The following CCDC66 variants were observed in gnomAD, a reference collection of about 807,000 sequenced individuals.
CCDC66 encodes the protein coiled-coil domain containing 66.
CCDC66 carries 133 observed loss-of-function variants against 128.3 expected under a neutral mutation model. That is an observed-to-expected ratio of 1.04 (90% CI 0.90 to 1.20). The LOEUF is 1.20. Ranked by LOEUF, CCDC66 falls within the 50% of genes most tolerant of loss-of-function variation. CCDC66 has a pLI of 0.00. For missense variants in CCDC66, 1,126 were observed against 1,075.5 expected, an observed-to-expected ratio of 1.05 and a Z score of -0.66; for synonymous variants, 387 against 357.0, an observed-to-expected ratio of 1.08 and a Z score of -0.95.
At chr3:56,561,330 TCC>T (rs1213115225) in intron 3 of CCDC66, 2 of 454,698 alleles carry the variant, frequency 4.4e-6, no homozygotes, top group Non-Finnish European at 4.4e-6. Context: ...CATCTGAAGA[TCC>T]CCTTTATAGG....
chr3:56,601,895 T>C (rs960407874), intron 10 of CCDC66, among the ~76,000 whole-genome samples: 3 of 152,152 alleles, frequency 2.0e-5, no homozygotes, highest in African/African-American at 7.3e-5. Context: ...TTTCTAAATA[T>C]ACAATCATGT....
intron 14 of CCDC66, 200 bp from the exon 15 acceptor site, chr3:56,617,972 T>TA (rs754603219): frequency 6.6e-6 from 4 of 603,628 alleles, no homozygotes; most frequent in Non-Finnish European, 1.2e-5. Context: ...ATAGTCCACA[T>TA]AGACAGAGGT....
chr3:56,620,821 G>A (rs1393086988), intron 17 of CCDC66: 1 of 152,220 alleles, frequency 6.6e-6, no homozygotes, highest in African/African-American at 2.4e-5. Flanking sequence ...GGACCCTTCT[G>A]TTAGCATCTA....
chr3:56,584,179 G>A (rs113740976), intron 7 of CCDC66, among the ~76,000 whole-genome samples: 47,725 of 133,564 alleles, frequency 0.36, 11,988 homozygotes, highest in Non-Finnish European at 0.53. Flanking sequence ...CCCGGGCGGG[G>A]CGGCTGCCGG....
intron 6 of CCDC66, chr3:56,569,304 G>C (rs1190482671): frequency 3.1e-6 from 1 of 321,084 alleles, no homozygotes; most frequent in African/African-American, 2.1e-5. Context: ...AGGTTTATTT[G>C]GCCCACAGTT....
intron 7 of CCDC66, among the ~76,000 whole-genome samples, chr3:56,580,022 CATT>C (rs1408242490): frequency 6.6e-6 from 1 of 151,674 alleles, no homozygotes. Context: ...TAAAGTCTCC[CATT>C]ATTATTGTGT....
chr3:56,565,493 G>A (rs1156684489), intron 4 of CCDC66, among the ~76,000 whole-genome samples: 4 of 147,648 alleles, frequency 2.7e-5, no homozygotes, highest in Non-Finnish European at 3.0e-5. Flanking sequence ...GGGTTTCACC[G>A]TGTTAGCCAG....
intron 7 of CCDC66, among the ~76,000 whole-genome samples, chr3:56,591,647 T>G (rs535688883): frequency 6.6e-6 from 1 of 152,272 alleles, no homozygotes; most frequent in Admixed American, 6.5e-5. Context: ...GTATAAAAAT[T>G]GTTAAATCTT....
Position 56,580,301 on chromosome 3 carries a change from G to A in CCDC66, c.936+8999G>A, listed in dbSNP as rs866371850. Among the ~76,000 whole-genome samples the A allele has an allele frequency of 2.2e-4, 34 of 151,756 alleles. 1 individual carries two copies. The Middle Eastern group carries it at 0.01, about 46-fold the overall frequency. ...ATCCCTTTATTTTGAGCCTGTGTGTGTCTCTGCATGTGAGATGGGTCTCCG... is the reference window on the plus strand; with the variant it reads ...ATCCCTTTATTTTGAGCCTGTGTGTATCTCTGCATGTGAGATGGGTCTCCG... On this transcript the variant is annotated intron_variant, in intron 7 of 17. Coordinates refer to ENST00000394672, the MANE Select transcript of CCDC66 (RefSeq NM_001141947.3).
At chr3:56,565,684 C>T (rs1389901132) in intron 4 of CCDC66, among the ~76,000 whole-genome samples, 2 of 150,552 alleles carry the variant, frequency 1.3e-5, no homozygotes, top group African/African-American at 4.9e-5. Flanking sequence ...CTGCGTCGCC[C>T]AGGCTGGAGT....
chr3:56,599,151 T>TATACC (rs2072689605), intron 10 of CCDC66, among the ~76,000 whole-genome samples: 2 of 152,056 alleles, frequency 1.3e-5, no homozygotes, highest in Admixed American at 1.3e-4. Flanking sequence ...CTTGATAGCT[T>TATACC]GTGTGTCTCC....
chr3:56,615,784 T>G, intron 12 of CCDC66, 138 bp from the exon 13 acceptor site: 1 of 573,396 alleles, frequency 1.7e-6, no homozygotes, highest in East Asian at 4.1e-5. Flanking sequence ...GATAGGAATG[T>G]GGGTACTTTT....
In CCDC66 at chr3:56,621,196, C is replaced by T. The variant is rs973097595; in HGVS notation, c.2761-336C>T. 15 of 166,216 alleles carry T rather than the reference C, an allele frequency of 9.0e-5. No homozygotes were observed. In the Admixed American group the frequency reaches 9.5e-4, roughly 11 times the overall value. The allele number at this position is 166,216 out of a possible 1,614,324, so 10.3% of individuals were successfully genotyped here. On this transcript the variant is annotated intron_variant, in intron 17 of 17. Coordinates refer to ENST00000394672, the MANE Select transcript of CCDC66 (RefSeq NM_001141947.3). ...AAACAACAACAACAAAAAAAAAACA[C>T]TGTATGTTAAGGGAGACTCCTTCAG...
chr3:56,618,588 G>T (rs796367630), intron 15 of CCDC66: 23 of 187,712 alleles, frequency 1.2e-4, no homozygotes, highest in African/African-American at 5.1e-4. Context: ...GTTAATGAGA[G>T]ATTTAGAACC....
At chr3:56,574,430 T>C (rs1200427170) in intron 7 of CCDC66, among the ~76,000 whole-genome samples, 1 of 151,656 alleles carries the variant, frequency 6.6e-6, no homozygotes. Context: ...AGAGATGTTA[T>C]TGAGGGAAAA....
intron 10 of CCDC66, among the ~76,000 whole-genome samples, chr3:56,601,688 C>T (rs1033840348): frequency 1.3e-5 from 2 of 152,016 alleles, no homozygotes; most frequent in African/African-American, 2.4e-5. Flanking sequence ...AGGTCCTTCA[C>T]GTCCCTTGTA....
chr3:56,600,149 C>CTTT (rs33981043), intron 10 of CCDC66, among the ~76,000 whole-genome samples: 1 of 115,050 alleles, frequency 8.7e-6, no homozygotes, highest in Non-Finnish European at 1.9e-5. Flanking sequence ...GTGCACTTAT[C>CTTT]TTTTTTTTTT....
chr3:56,565,798 C>CT (rs931073200), intron 4 of CCDC66, among the ~76,000 whole-genome samples: 4 of 151,300 alleles, frequency 2.6e-5, no homozygotes, highest in African/African-American at 9.7e-5. Flanking sequence ...TCCCAAGTAC[C>CT]TGGGACTACA....
intron 4 of CCDC66, 129 bp from the exon 5 acceptor site, chr3:56,566,465 A>G: frequency 3.5e-6 from 2 of 567,136 alleles, no homozygotes; most frequent in Non-Finnish European, 3.0e-6. Context: ...CTTAATGGCT[A>G]CCTCAAGGAT....
Sources: gnomAD v4.1 joint callset for allele counts (sites outside exome capture counted in the v4.1 genomes callset) on GRCh38, gnomAD v4.1.1 for gene constraint, MANE v1.5 for transcripts, NCBI Gene and HGNC (gene_info 2026-07-23, HGNC 2026-07-21) for gene names.